Variants in BPNT1 observed in about 807,000 individuals in gnomAD.
The protein encoded by BPNT1 is 3'(2'),5'-bisphosphate nucleotidase 1.
Under a neutral mutation model 36.9 loss-of-function variants are expected in BPNT1, and 28 were observed. That is an observed-to-expected ratio of 0.76 (90% confidence interval 0.56 to 1.04). The LOEUF (loss-of-function observed/expected upper bound fraction) is 1.04. BPNT1 is among the 50% of genes least tolerant of loss of function. BPNT1 has a pLI of 0.00. For synonymous variants in BPNT1, 119 were observed against 130.9 expected, an observed-to-expected ratio of 0.91 and a Z score of 0.62; for missense variants, 313 against 372.9, an observed-to-expected ratio of 0.84 and a Z score of 1.32.
At chr1:220,062,982 T>C in intron 6 of BPNT1, 28 bp from the exon 7 acceptor site, 1 of 1,604,324 alleles carries the variant, frequency 6.2e-7, no homozygotes, top group Non-Finnish European at 8.5e-7. Context: ...ACAACAAGAC[T>C]TGTGGTTATT....
rs146477542 is a variant in BPNT1, at chr1:220,058,982, G to A, written c.789C>T (p.Thr263=). The A allele has an allele frequency of 5.7e-3, 9,249 of 1,613,054 alleles. 48 individuals carry two copies. Among genetic ancestry groups the A allele is most frequent in the Non-Finnish European group, 6.2e-3 (7,362 of 1,179,432 alleles). ...VILHAVGGKL[T]DIHGNVLQYH... ...ACTGAAGAACATTCCCATGGATATCGGTTAACTTGCCTATAGAAAAACATC... is the reference window on the plus strand; with the variant it reads ...ACTGAAGAACATTCCCATGGATATCAGTTAACTTGCCTATAGAAAAACATC... Residue 263 remains threonine, a synonymous_variant, in exon 9 of 9, where the codon ACC becomes ACT. Transcript: ENST00000322067.
intron 6 of BPNT1, among the ~76,000 whole-genome samples, chr1:220,063,985 G>A (rs1370862293): frequency 6.6e-6 from 1 of 152,082 alleles, no homozygotes; most frequent in Non-Finnish European, 1.5e-5. Flanking sequence ...TATTAATATA[G>A]TAGACATATA....
chr1:220,063,027 A>G, intron 6 of BPNT1, 73 bp from the exon 7 acceptor site: 1 of 1,462,950 alleles, frequency 6.8e-7, no homozygotes, highest in South Asian at 1.1e-5. Flanking sequence ...TGGAATATTC[A>G]GTTATATTAG....
At chr1:220,065,961 C>A in intron 6 of BPNT1, 2 of 616,324 alleles carry the variant, frequency 3.2e-6, no homozygotes, top group Non-Finnish European at 5.2e-6. Flanking sequence ...AGAAGCAGAA[C>A]TGGAGAAAAT....
chr1:220,083,508 G>A (rs572793159), intron 1 of BPNT1, among the ~76,000 whole-genome samples: 1 of 151,508 alleles, frequency 6.6e-6, no homozygotes, highest in South Asian at 2.1e-4. Flanking sequence ...TACAGATGGG[G>A]TTTCACCATG....
intron 6 of BPNT1, among the ~76,000 whole-genome samples, chr1:220,064,644 C>T (rs769107117): frequency 1.3e-5 from 2 of 152,058 alleles, no homozygotes; most frequent in Non-Finnish European, 2.9e-5. Context: ...GGTGAGACAG[C>T]TCTCCATTGG....
intron 1 of BPNT1, among the ~76,000 whole-genome samples, chr1:220,082,083 T>G (rs867489230): frequency 0.085 from 9,360 of 109,890 alleles, 300 homozygotes; most frequent in Non-Finnish European, 0.099. Flanking sequence ...TATATATATA[T>G]ATAGAGAGAG....
At chr1:220,081,437 G>A (rs1655114818) in intron 1 of BPNT1, among the ~76,000 whole-genome samples, 1 of 152,030 alleles carries the variant, frequency 6.6e-6, no homozygotes, top group African/African-American at 2.4e-5. Flanking sequence ...CAGCTACTCG[G>A]GAGGCTAAGG....
chr1:220,074,457 C>T (rs1002355341), intron 2 of BPNT1, among the ~76,000 whole-genome samples: 12 of 151,964 alleles, frequency 7.9e-5, no homozygotes, highest in Non-Finnish European at 1.0e-4. Context: ...AATAATTCAA[C>T]AGGTCCTCAA....
chr1:220,081,789 A>T (rs1235217137), intron 1 of BPNT1, among the ~76,000 whole-genome samples: 2 of 151,908 alleles, frequency 1.3e-5, no homozygotes, highest in Admixed American at 1.3e-4. Flanking sequence ...CCACCCCAGC[A>T]CTGAAGGGCC....
At chr1:220,070,172 TC>T (rs1413330985) in intron 4 of BPNT1, among the ~76,000 whole-genome samples, 1 of 152,048 alleles carries the variant, frequency 6.6e-6, no homozygotes, top group Admixed American at 6.6e-5. Flanking sequence ...GTCCATACAA[TC>T]CAAAGAAAAA....
chr1:220,062,644 T>TATAAA (rs1295302841), intron 7 of BPNT1, 113 bp downstream of exon 7: 1 of 1,101,474 alleles, frequency 9.1e-7, no homozygotes, highest in East Asian at 2.4e-5. Flanking sequence ...TTTATAGTCC[T>TATAAA]TTGGGTATAT....
chr1:220,063,377 G>A (rs1181282665), intron 6 of BPNT1, among the ~76,000 whole-genome samples: 1 of 152,048 alleles, frequency 6.6e-6, no homozygotes, highest in Non-Finnish European at 1.5e-5. Flanking sequence ...TAAAGTACAA[G>A]AACAATATCA....
At position 220,079,691 on chromosome 1, in the gene BPNT1, T is replaced by G. The variant is rs989636953; in HGVS notation, c.120+36A>C. On this transcript the variant is annotated intron_variant, in intron 2 of 8. Transcript: ENST00000322067. ...TTTAGCTAAACCTCAAGAACAAAAATCAAGTTGGTATGAAATGATATGAGA... is the reference window on the plus strand; with the variant it reads ...TTTAGCTAAACCTCAAGAACAAAAAGCAAGTTGGTATGAAATGATATGAGA... 2.5e-6 allele frequency: 4 copies of G among 1,611,738 alleles called. No homozygotes were observed. In the African/African-American group the frequency reaches 5.3e-5, roughly 22 times the overall value.
At chr1:220,084,071 G>C (rs1473415063) in intron 1 of BPNT1, among the ~76,000 whole-genome samples, 1 of 152,052 alleles carries the variant, frequency 6.6e-6, no homozygotes, top group African/African-American at 2.4e-5. Flanking sequence ...AGTGGCTCAC[G>C]CATGTAATCC....
At chr1:220,063,834 G>A (rs1049335357) in intron 6 of BPNT1, among the ~76,000 whole-genome samples, 1 of 152,012 alleles carries the variant, frequency 6.6e-6, no homozygotes, top group Non-Finnish European at 1.5e-5. Flanking sequence ...TGCAATCTTA[G>A]AATCTATATT....
rs374500121 is a variant in BPNT1 at position 220,067,404 on chromosome 1, G to T, written c.383-11C>A. ...CATTGTCAAGAAGACCTGCAAAGAA[G>T]AAATAAATATCAGTTATATAACTTG... On this transcript the variant is annotated splice_polypyrimidine_tract_variant and intron_variant, in intron 5 of 8. Transcript: ENST00000322067. 3.2e-6 allele frequency: 5 copies of T among 1,574,196 alleles called. No individual in the cohort carries two copies. The African/African-American group carries it at 5.4e-5, about 17-fold the overall frequency.
Position 220,083,996 on chromosome 1 carries a change from C to G in BPNT1, c.-8-4142G>C, listed in dbSNP as rs150608134. ...TACTAGGAGTTACATGTGGAATAAA[C>G]CAGTTACAATTACTACTAATTCAGG... is the stretch of plus-strand genomic sequence containing the variant. On this transcript the variant is annotated intron_variant, in intron 1 of 8. Coordinates refer to ENST00000322067, the MANE Select transcript of BPNT1 (RefSeq NM_006085.6). Among the ~76,000 whole-genome samples the G allele has an allele frequency of 2.2e-3, 333 of 152,098 alleles. 1 individual carries two copies. Among genetic ancestry groups the G allele is most frequent in the South Asian group, 0.011 (52 of 4,814 alleles).
At chr1:220,076,164 C>A (rs973186023) in intron 2 of BPNT1, among the ~76,000 whole-genome samples, 1 of 151,770 alleles carries the variant, frequency 6.6e-6, no homozygotes, top group African/African-American at 2.4e-5. Flanking sequence ...GTCAGGAGTT[C>A]GAGACCAGCC....
Sources: allele counts gnomAD v4.1 joint callset (sites outside exome capture counted in the v4.1 genomes callset), GRCh38; gene constraint gnomAD v4.1.1; transcripts MANE v1.5; gene names NCBI Gene and HGNC (gene_info 2026-07-23, HGNC 2026-07-21).